Variants in KCNH8 observed in about 807,000 individuals in gnomAD.
KCNH8 encodes potassium voltage-gated channel subfamily H member 8.
In KCNH8, 70 loss-of-function variants were observed where a neutral mutation model predicts 103.6. That is an observed-to-expected ratio of 0.68 (90% CI 0.56 to 0.82). KCNH8 has a LOEUF of 0.82. Ranked by LOEUF, KCNH8 falls within the 40% of genes least tolerant of loss-of-function variation. The probability of loss-of-function intolerance (pLI) is 0.00; values close to 1 mark genes in which losing one functional copy is unlikely to be tolerated. For missense variants in KCNH8, 1,217 were observed against 1,329.9 expected, an observed-to-expected ratio of 0.92 and a Z score of 1.32; for synonymous variants, 498 against 489.4, an observed-to-expected ratio of 1.02 and a Z score of -0.23.
At chr3:19,451,073 G>C (rs897308697) in intron 9 of KCNH8, 82 bp from the exon 10 acceptor site, 86 of 1,322,840 alleles carry the variant, frequency 6.5e-5, no homozygotes, top group Admixed American at 1.7e-4. Context: ...ACAGTAGGAA[G>C]AGCATCCCTG....
intron 7 of KCNH8, among the ~76,000 whole-genome samples, chr3:19,413,048 C>T (rs886807271): frequency 1.4e-4 from 21 of 151,850 alleles, no homozygotes; most frequent in African/African-American, 3.6e-4. Context: ...CATTTCTATC[C>T]GAAATACATA....
At chr3:19,166,054 T>A (rs1206571241) in intron 1 of KCNH8, among the ~76,000 whole-genome samples, 1 of 152,218 alleles carries the variant, frequency 6.6e-6, no homozygotes, top group Non-Finnish European at 1.5e-5. Flanking sequence ...TTGGGAATGA[T>A]GCCCTCCCAC....
intron 13 of KCNH8, among the ~76,000 whole-genome samples, chr3:19,514,492 T>A (rs890980144): frequency 6.6e-6 from 1 of 151,906 alleles, no homozygotes; most frequent in Non-Finnish European, 1.5e-5. Context: ...ATAAAAAGAA[T>A]ATATGTTCTT....
At chr3:19,297,572 C>A (rs960831171) in intron 3 of KCNH8, among the ~76,000 whole-genome samples, 2 of 152,280 alleles carry the variant, frequency 1.3e-5, no homozygotes, top group Non-Finnish European at 2.9e-5. Context: ...AGTGTTCTGT[C>A]ATTGCCTTCT....
intron 7 of KCNH8, among the ~76,000 whole-genome samples, chr3:19,399,277 A>T (rs2125137299): frequency 6.6e-6 from 1 of 152,016 alleles, no homozygotes; most frequent in African/African-American, 2.4e-5. Flanking sequence ...GGAGTGGAGG[A>T]TGCTTTATTT....
Position 19,219,614 on chromosome 3 carries a change from C to T in KCNH8, c.77-34040C>T, listed in dbSNP as rs576050030. ...TCTGAAACAAGTTTCTTGCACACTG[C>T]AACATGGCTTTTCCATGCCATACAT... On this transcript the variant is annotated intron_variant, in intron 1 of 15. Coordinates refer to ENST00000328405, the MANE Select transcript of KCNH8 (RefSeq NM_144633.3). Among the ~76,000 whole-genome samples, 6 of 152,330 alleles carry T rather than the reference C, an allele frequency of 3.9e-5. No homozygotes were observed. In the South Asian group the frequency reaches 1.2e-3, roughly 32 times the overall value.
At chr3:19,307,307 A>C (rs1188556792) in intron 3 of KCNH8, among the ~76,000 whole-genome samples, 2 of 151,944 alleles carry the variant, frequency 1.3e-5, no homozygotes, top group East Asian at 1.9e-4. Flanking sequence ...TATATGAAAA[A>C]TGCTCAGCAT....
chr3:19,533,981 C>G lies in KCNH8; in HGVS notation c.3206C>G (p.Pro1069Arg). 6.2e-7 allele frequency: 1 copy of G among 1,614,108 alleles called. No homozygotes were observed. Among genetic ancestry groups the G allele is most frequent in the Non-Finnish European group, 8.5e-7 (1 of 1,180,012 alleles). Residue 1069 changes from proline to arginine, a missense_variant, in exon 16 of 16, where the codon CCA becomes CGA. By Grantham distance (103) the Pro-to-Arg change is moderately radical (BLOSUM62 -2). Around this residue, in one of 3 missense-constraint regions of KCNH8, gnomAD observed 558 missense variants for 495.8 expected, o/e 1.13. Coordinates refer to ENST00000328405, the MANE Select transcript of KCNH8 (RefSeq NM_144633.3). ...AGTTCCTTCAGTCTGGAAAACTTACCAGGATCTTGGAACCAGGAAGGAATG... is the reference window on the plus strand; with the variant it reads ...AGTTCCTTCAGTCTGGAAAACTTACGAGGATCTTGGAACCAGGAAGGAATG... ...TVSSFSLENL[P>R]GSWNQEGMAS...
chr3:19,402,856 T>C (rs546800120), intron 7 of KCNH8, among the ~76,000 whole-genome samples: 4 of 152,024 alleles, frequency 2.6e-5, no homozygotes, highest in Middle Eastern at 3.4e-3. Context: ...TACTTCCTTA[T>C]AGTATCTCAT....
intron 3 of KCNH8, among the ~76,000 whole-genome samples, chr3:19,313,370 C>G (rs1330213030): frequency 1.3e-5 from 2 of 151,846 alleles, no homozygotes; most frequent in Admixed American, 6.6e-5. Flanking sequence ...GATCTTAGGC[C>G]AGGCATTTTT....
At chr3:19,332,994 A>G (rs957990874) in intron 3 of KCNH8, among the ~76,000 whole-genome samples, 17 of 152,162 alleles carry the variant, frequency 1.1e-4, no homozygotes, top group Admixed American at 1.0e-3. Context: ...GTTTCTGCAC[A>G]TCTTCACCAG....
chr3:19,348,970 G>GCC (rs1192319153), intron 5 of KCNH8, among the ~76,000 whole-genome samples: 1 of 151,784 alleles, frequency 6.6e-6, no homozygotes, highest in Admixed American at 6.6e-5. Context: ...GCGTTTTCTG[G>GCC]TTGAATGTCA....
chr3:19,468,021 G>A (rs1255461206), intron 11 of KCNH8, among the ~76,000 whole-genome samples: 1 of 151,790 alleles, frequency 6.6e-6, no homozygotes, highest in Non-Finnish European at 1.5e-5. Context: ...TTCCTGTTGT[G>A]CTACTCCTCT....
chr3:19,240,495 C>G (rs1232066563), intron 1 of KCNH8, among the ~76,000 whole-genome samples: 1 of 151,800 alleles, frequency 6.6e-6, no homozygotes, highest in Non-Finnish European at 1.5e-5. Context: ...GCCTGTAATC[C>G]CAGGTACTCT....
At chr3:19,377,861 G>A (rs1170474957) in intron 5 of KCNH8, among the ~76,000 whole-genome samples, 1 of 152,238 alleles carries the variant, frequency 6.6e-6, no homozygotes, top group Non-Finnish European at 1.5e-5. Context: ...TGCTAAGTTA[G>A]TGGAAGGAAG....
intron 11 of KCNH8, among the ~76,000 whole-genome samples, chr3:19,476,170 T>C (rs2067971285): frequency 6.6e-6 from 1 of 152,118 alleles, no homozygotes; most frequent in South Asian, 2.1e-4. Context: ...ATTAGCCCTC[T>C]TCTTCTTTTG....
chr3:19,425,924 G>A (rs2067022176), intron 7 of KCNH8, among the ~76,000 whole-genome samples: 1 of 152,136 alleles, frequency 6.6e-6, no homozygotes, highest in African/African-American at 2.4e-5. Context: ...ATTGAAAATT[G>A]CTGTAATATT....
chr3:19,485,577 C>T (rs1186839178), intron 11 of KCNH8, among the ~76,000 whole-genome samples: 1 of 152,180 alleles, frequency 6.6e-6, no homozygotes, highest in Admixed American at 6.5e-5. Flanking sequence ...GCACAGCTAC[C>T]TTCCTATCTG....
chr3:19,505,404 A>G (rs1165891995), intron 11 of KCNH8, among the ~76,000 whole-genome samples: 1 of 152,172 alleles, frequency 6.6e-6, no homozygotes, highest in African/African-American at 2.4e-5. Context: ...CCCCCGTGAC[A>G]CAAGTTTACC....
Sources: gnomAD v4.1 joint callset for allele counts (sites outside exome capture counted in the v4.1 genomes callset) on GRCh38, gnomAD v4.1.1 for gene constraint, gnomAD v4.1.1 regional missense constraint, MANE v1.5 for transcripts, NCBI Gene and HGNC (gene_info 2026-07-23, HGNC 2026-07-21) for gene names.